The following UGGT1 variants were observed in gnomAD, a reference collection of about 807,000 sequenced individuals.
UGGT1 encodes UDP-glucose:glycoprotein glucosyltransferase 1.
Under a neutral mutation model 203.9 loss-of-function variants are expected in UGGT1, and 107 were observed. That is an observed-to-expected ratio of 0.52 (90% CI 0.45 to 0.62). The LOEUF is 0.62. Ranked by LOEUF, UGGT1 falls within the 20% of genes least tolerant of loss-of-function variation. The probability of loss-of-function intolerance (pLI) is 0.00; values close to 1 mark genes in which losing one functional copy is unlikely to be tolerated. For missense variants in UGGT1, 1,673 were observed against 1,867.2 expected (o/e 0.90, Z 1.92); for synonymous variants, 628 against 653.5 (o/e 0.96, Z 0.59).
intron 23 of UGGT1, among the ~76,000 whole-genome samples, 186 bp from the exon 24 acceptor site, chr2:128,160,274 G>A (rs546680880): frequency 1.3e-5 from 2 of 152,292 alleles, no homozygotes; most frequent in East Asian, 3.9e-4. Flanking sequence ...TAAGGAAATA[G>A]CAGTTACTCT....
At position 128,176,913 on chromosome 2, in the gene UGGT1, AGT is replaced by A; in HGVS notation, c.3624+16_3624+17del. ...TTAAAGTGAAGGTGAGTTTGGTAAA[AGT>A]AGTGGCATTCTGTTATTGGACAGCT... On this transcript the variant is annotated intron_variant, in intron 32 of 40. Transcript: ENST00000259253. 1 of 1,609,336 alleles carries A rather than the reference AGT, an allele frequency of 6.2e-7. No individual in the cohort carries two copies. The highest frequency in any genetic ancestry group is 8.5e-7 in the Non-Finnish European group (1 of 1,175,764).
In UGGT1 at chr2:128,091,240, C is replaced by A. The variant is rs1303041754; in HGVS notation, c.-118C>A. 1.7e-6 allele frequency: 2 copies of A among 1,167,138 alleles called. No homozygotes were observed. Among genetic ancestry groups the A allele is most frequent in the Admixed American group, 3.0e-5 (1 of 33,106 alleles). 72.3% of individuals were successfully genotyped at this position (1,167,138 alleles called of 1,614,324 possible). The stretch of plus-strand genomic sequence containing the variant: ...TTGCGAGGCTGGGTGTTGAGTCGAG[C>A]CGCGGGAAAGGCGCGTGTCGGCCTC... On this transcript the variant is annotated 5_prime_UTR_variant, in exon 1 of 41. Coordinates refer to ENST00000259253, the MANE Select transcript of UGGT1 (RefSeq NM_020120.4).
At chr2:128,134,725 G>C in intron 14 of UGGT1, 151 bp from the exon 15 acceptor site, 1 of 635,604 alleles carries the variant, frequency 1.6e-6, no homozygotes, top group Non-Finnish European at 2.8e-6. Context: ...ATAGAGGGAG[G>C]TAGCTGCTAT....
At position 128,123,212 on chromosome 2, in the gene UGGT1, C is replaced by T. The variant is rs1408435856; in HGVS notation, c.1100C>T (p.Ser367Leu). Reference protein sequence around the residue: ...ARAITKTAVSSELRTEVEENQ... With the variant: ...ARAITKTAVSLELRTEVEENQ... ...GCAATAACAAAAACAGCTGTGAGCT[C>T]AGAACTTAGAACCGAAGTGGAAGAG... Residue 367 changes from serine (S) to leucine (L), a missense_variant, in exon 11 of 41, where the codon TCA (serine) becomes TTA (leucine). By Grantham distance (145) the Ser-to-Leu change is moderately radical. Around this residue, in one of 4 missense-constraint regions of UGGT1, gnomAD observed 1,073 missense variants for 1,078.7 expected, o/e 0.99. Transcript: ENST00000259253. 1 of 1,613,500 alleles carries T rather than the reference C, an allele frequency of 6.2e-7. No homozygotes were observed.
chr2:128,091,678 G>A, intron 1 of UGGT1: 1 of 1,108,898 alleles, frequency 9.0e-7, no homozygotes, highest in Non-Finnish European at 1.2e-6. Flanking sequence ...CTTGTGCCAA[G>A]TGCAGAAGGA....
At chr2:128,127,556 T>G in intron 12 of UGGT1, 104 bp downstream of exon 12, 1 of 874,658 alleles carries the variant, frequency 1.1e-6, no homozygotes, top group Non-Finnish European at 1.8e-6. Flanking sequence ...ATGCAAAGTC[T>G]GATGGCTTAC....
chr2:128,168,764 G>C (rs1690926870), intron 26 of UGGT1, among the ~76,000 whole-genome samples: 1 of 152,138 alleles, frequency 6.6e-6, no homozygotes, highest in African/African-American at 2.4e-5. Context: ...ACAGACAAGG[G>C]GGCTGGGCAT....
In UGGT1 at chr2:128,187,570, C is replaced by T. The variant is rs750339160; in HGVS notation, c.4598C>T (p.Thr1533Met). Residue 1533 changes from threonine (T) to methionine (M), a missense_variant, in exon 40 of 41, where the codon ACG becomes ATG. This residue lies in a region of UGGT1 where 513 missense variants were observed against 684.1 expected (regional missense o/e 0.75). Transcript: ENST00000259253. ...ATCCGCTTTCAGAAGGAGAAAGAAA[C>T]GGGAGCACTGTACAAAGAGAAGACA... Reference protein sequence around the residue: ...LQIRFQKEKETGALYKEKTKE... With the variant: ...LQIRFQKEKEMGALYKEKTKE... 1.5e-5 allele frequency: 25 copies of T among 1,613,662 alleles called. No individual in the cohort carries two copies. Among genetic ancestry groups the T allele is most frequent in the South Asian group, 1.1e-4 (10 of 91,054 alleles).
intron 25 of UGGT1, among the ~76,000 whole-genome samples, chr2:128,163,015 C>T (rs908576911): frequency 2.6e-5 from 4 of 152,204 alleles, no homozygotes; most frequent in Admixed American, 1.3e-4. Flanking sequence ...ACAGCCACAG[C>T]TATCATTCAT....
intron 2 of UGGT1, among the ~76,000 whole-genome samples, chr2:128,097,938 T>C (rs1301355608): frequency 6.6e-6 from 1 of 152,202 alleles, no homozygotes; most frequent in African/African-American, 2.4e-5. Context: ...CTTGGCTCAC[T>C]GTGACCTCCG....
At chr2:128,179,686 G>A in intron 34 of UGGT1, 100 bp from the exon 35 acceptor site, 1 of 988,528 alleles carries the variant, frequency 1.0e-6, no homozygotes, top group Non-Finnish European at 1.5e-6. Context: ...AGTTAGCTCT[G>A]CCGTAAAGAG....
chr2:128,187,401 T>C, intron 39 of UGGT1, 48 bp from the exon 40 acceptor site: 2 of 1,586,136 alleles, frequency 1.3e-6, no homozygotes, highest in South Asian at 1.1e-5. Context: ...TTCTCTATCA[T>C]GTGGCCTTTC....
intron 1 of UGGT1, 63 bp downstream of exon 1, chr2:128,091,478 C>T: frequency 1.3e-6 from 2 of 1,531,860 alleles, no homozygotes; most frequent in Non-Finnish European, 1.8e-6. Context: ...ACAAGGCGAC[C>T]CTGTGCCCCT....
chr2:128,175,343 G>C (rs984303078), intron 31 of UGGT1, among the ~76,000 whole-genome samples: 1 of 152,154 alleles, frequency 6.6e-6, no homozygotes, highest in Non-Finnish European at 1.5e-5. Context: ...TCCCTCTATA[G>C]CCAGCTTTTA....
chr2:128,126,711 C>CT (rs1688621335), intron 11 of UGGT1, among the ~76,000 whole-genome samples: 2 of 106,358 alleles, frequency 1.9e-5, no homozygotes, highest in African/African-American at 6.9e-5. Context: ...TTGAGACAGT[C>CT]TTGCTCTGTC....
At chr2:128,121,094 A>G (rs1688361401) in intron 9 of UGGT1, 105 bp from the exon 10 acceptor site, 1 of 1,098,066 alleles carries the variant, frequency 9.1e-7, no homozygotes, top group Non-Finnish European at 1.4e-6. Flanking sequence ...ATTCGAAGAT[A>G]TTCTTAATTA....
At chr2:128,122,046 A>C (rs1326653268) in intron 10 of UGGT1, among the ~76,000 whole-genome samples, 1 of 152,176 alleles carries the variant, frequency 6.6e-6, no homozygotes, top group African/African-American at 2.4e-5. Context: ...AGGCTAAGTG[A>C]CTAGTTCATA....
At chr2:128,184,536 G>T (rs1179497106) in intron 38 of UGGT1, among the ~76,000 whole-genome samples, 1 of 152,116 alleles carries the variant, frequency 6.6e-6, no homozygotes, top group Non-Finnish European at 1.5e-5. Flanking sequence ...CCTAACAAAA[G>T]TGTCTAGCAT....
Position 128,091,212 on chromosome 2 carries a change from G to A in UGGT1, c.-146G>A, listed in dbSNP as rs1298282177. On this transcript the variant is annotated 5_prime_UTR_variant, in exon 1 of 41. Transcript: ENST00000259253. ...AAGGGCGGCCGGCAGCTGGGCAATT[G>A]CTTTGCGAGGCTGGGTGTTGAGTCG... 5 of 896,630 alleles carry A rather than the reference G, an allele frequency of 5.6e-6. No homozygotes were observed. Among genetic ancestry groups the A allele is most frequent in the East Asian group, 3.2e-5 (1 of 31,406 alleles). 55.5% of individuals were successfully genotyped at this position (896,630 alleles called of 1,614,324 possible).
Sources: allele counts gnomAD v4.1 joint callset (sites outside exome capture counted in the v4.1 genomes callset), GRCh38; gene constraint gnomAD v4.1.1; regional missense constraint gnomAD v4.1.1; transcripts MANE v1.5; gene names NCBI Gene and HGNC (gene_info 2026-07-23, HGNC 2026-07-21).